TKT: variants seen among roughly 807,000 people sequenced by gnomAD.
TKT encodes the protein epididymis luminal protein 107.
Under a neutral mutation model 63.9 loss-of-function variants are expected in TKT, and 47 were observed. The observed-to-expected ratio is 0.74, with a 90% CI of 0.58 to 0.94. The LOEUF (loss-of-function observed/expected upper bound fraction) is 0.94, where lower values mean the gene tolerates loss of function less well. TKT is among the 40% of genes least tolerant of loss of function. The pLI is 0.00. For synonymous variants in TKT, 338 were observed against 334.1 expected, an observed-to-expected ratio of 1.01 and a Z score of -0.13; for missense variants, 721 against 846.2, an observed-to-expected ratio of 0.85 and a Z score of 1.84.
At chr3:53,252,695 C>A (rs1365302253) in intron 1 of TKT, among the ~76,000 whole-genome samples, 5 of 152,182 alleles carry the variant, frequency 3.3e-5, no homozygotes, top group African/African-American at 1.2e-4. Context: ...TGACATTCCA[C>A]TCTTTTGGAG....
intron 4 of TKT, among the ~76,000 whole-genome samples, chr3:53,236,919 T>TG (rs1553678764): frequency 6.6e-6 from 1 of 151,966 alleles, no homozygotes; most frequent in Non-Finnish European, 1.5e-5. Context: ...GAGTTAGGGG[T>TG]GGGGGGCTGC....
Position 53,242,330 on chromosome 3 carries a change from C to G in TKT, c.108-88G>C, listed in dbSNP as rs116603559. On this transcript the variant is annotated intron_variant, in intron 1 of 13. Coordinates refer to ENST00000462138, the MANE Select transcript of TKT (RefSeq NM_001064.4). The stretch of plus-strand genomic sequence containing the variant: ...TCAGCTGTACAGGGACCTGGGGGTG[C>G]ATGTCCTGAGGAGTCACACAGGCCT... 2.3e-6 allele frequency: 3 copies of G among 1,326,062 alleles called. No homozygotes were observed. The African/African-American group carries it at 4.3e-5, about 19-fold the overall frequency. The allele number at this position is 1,326,062 out of a possible 1,614,324, so 82.1% of individuals were successfully genotyped here.
intron 3 of TKT, 114 bp from the exon 4 acceptor site, chr3:53,240,462 G>T: frequency 1.1e-6 from 1 of 900,898 alleles, no homozygotes; most frequent in Non-Finnish European, 1.7e-6. Context: ...CAGAAGGTCA[G>T]GCCCCAGGAT....
At chr3:53,242,957 G>A (rs1347814688) in intron 1 of TKT, among the ~76,000 whole-genome samples, 1 of 152,176 alleles carries the variant, frequency 6.6e-6, no homozygotes, top group Non-Finnish European at 1.5e-5. Context: ...GGCTGCTGTA[G>A]CAACTAGGAA....
Position 53,231,561 on chromosome 3 carries a change from A to C in TKT, c.749-11T>G. 1.9e-6 allele frequency: 3 copies of C among 1,611,424 alleles called. No individual in the cohort carries two copies. The highest frequency in any genetic ancestry group is 1.1e-5 in the South Asian group (1 of 90,708). On this transcript the variant is annotated splice_polypyrimidine_tract_variant and intron_variant, in intron 6 of 13. Transcript: ENST00000462138. ...CCTTATCTTCTACCCCTGCAGACCC[A>C]ACACGGGAGGACAGAGGAATGGGTA...
chr3:53,242,741 G>A (rs1453194376), intron 1 of TKT, among the ~76,000 whole-genome samples: 1 of 152,152 alleles, frequency 6.6e-6, no homozygotes, highest in Non-Finnish European at 1.5e-5. Context: ...CTGCCCACTT[G>A]TGAAGGGCAC....
intron 8 of TKT, 117 bp downstream of exon 8, chr3:53,230,340 G>A: frequency 7.4e-7 from 1 of 1,345,192 alleles, no homozygotes; most frequent in Non-Finnish European, 1.0e-6. Flanking sequence ...TTTTCTTATA[G>A]TCTCCCTGGG....
At chr3:53,248,004 G>A (rs1705590498) in intron 1 of TKT, among the ~76,000 whole-genome samples, 1 of 152,180 alleles carries the variant, frequency 6.6e-6, no homozygotes, top group African/African-American at 2.4e-5. Context: ...CAAACTGAGT[G>A]CACAAATGAA....
rs782231613 is a variant in TKT, at chr3:53,228,163, A to G, written c.1480-14T>C. On this transcript the variant is annotated splice_polypyrimidine_tract_variant and intron_variant, in intron 11 of 13. Coordinates refer to ENST00000462138, the MANE Select transcript of TKT (RefSeq NM_001064.4). ...CTTCAGGACCACCTGGGGGTGACAC[A>G]GAGGGTGAGTAAGGCTCAGGGCCCT... The G allele has an allele frequency of 6.2e-7, 1 of 1,613,976 alleles. No homozygotes were observed. Among genetic ancestry groups the G allele is most frequent in the South Asian group, 1.1e-5 (1 of 91,080 alleles).
rs73840298 is a variant in TKT at position 53,241,896 on chromosome 3, T to G, written c.225+229A>C. 3.8e-3 allele frequency: 2,081 copies of G among 546,214 alleles called. 29 individuals carry two copies. The highest frequency in any genetic ancestry group is 0.037 in the African/African-American group (1,929 of 52,808). The allele number at this position is 546,214 out of a possible 1,614,324, so 33.8% of individuals were successfully genotyped here. A position where few individuals can be genotyped will look rare whatever the true frequency, so the allele number is the denominator to read the frequency against. On this transcript the variant is annotated intron_variant, in intron 2 of 13. Coordinates refer to ENST00000462138, the MANE Select transcript of TKT (RefSeq NM_001064.4). ...TTTCTTTGAGTTAAAGCGTTGTTTA[T>G]GTACCTGGGCTCCATGGCAGAGCAA...
At chr3:53,226,930 C>T in intron 12 of TKT, 52 bp from the exon 13 acceptor site, 2 of 1,557,680 alleles carry the variant, frequency 1.3e-6, no homozygotes, top group Non-Finnish European at 8.7e-7. Context: ...GCACCACTAT[C>T]TGCCCTGGTG....
chr3:53,232,682 T>C (rs2106676244), intron 6 of TKT: 1 of 398,190 alleles, frequency 2.5e-6, no homozygotes, highest in East Asian at 3.6e-5. Context: ...CCCAAGGCTC[T>C]TGGCCCACAC....
chr3:53,237,495 T>TACAC (rs3075727), intron 4 of TKT, among the ~76,000 whole-genome samples: 23,337 of 144,690 alleles, frequency 0.16, 2,058 homozygotes, highest in East Asian at 0.31. Context: ...TTTTATATTA[T>TACAC]ACACACACAC....
In TKT at chr3:53,231,516, G is replaced by A. The variant is rs376542375; in HGVS notation, c.783C>T (p.Pro261=). Residue 261 remains proline, a synonymous_variant, in exon 7 of 14, where the codon CCC becomes CCT. Coordinates refer to ENST00000462138, the MANE Select transcript of TKT (RefSeq NM_001064.4). The part of the protein sequence containing the change: ...VEDKESWHGK[P]LPKNMAEQII... ...TCTGCTCAGCCATGTTTTTGGGGAG[G>A]GGCTTCCCATGCCAAGACTCCTTAT... is the stretch of plus-strand genomic sequence containing the variant. 1.2e-6 allele frequency: 2 copies of A among 1,614,056 alleles called. No individual in the cohort carries two copies. The highest frequency in any genetic ancestry group is 1.7e-5 in the Admixed American group (1 of 60,006).
rs143676012 is a variant in TKT at position 53,231,401 on chromosome 3, T to G, written c.898A>C (p.Asn300His). 7 of 1,613,904 alleles carry G rather than the reference T, an allele frequency of 4.3e-6. No homozygotes were observed. In the African/African-American group the frequency reaches 9.3e-5, roughly 22 times the overall value. ...QEDAPSVDIA[N>H]IRMPSLPSYK... ...CTGGGCAGGCTGGGCATGCGGATGT[T>G]GGCAATGTCCACTGAGGGTGCGTCC... Residue 300 changes from asparagine (N) to histidine (H), a missense_variant, in exon 7 of 14, where the codon AAC becomes CAC. Physicochemically the swap from Asn to His is moderately conservative, Grantham distance 68 (BLOSUM62 1). Coordinates refer to ENST00000462138, the MANE Select transcript of TKT (RefSeq NM_001064.4).
intron 1 of TKT, among the ~76,000 whole-genome samples, chr3:53,244,262 G>A (rs1346797122): frequency 3.3e-5 from 5 of 152,182 alleles, no homozygotes; most frequent in Non-Finnish European, 7.4e-5. Flanking sequence ...AGGTGTCCCC[G>A]CACTCTTCCC....
intron 4 of TKT, among the ~76,000 whole-genome samples, chr3:53,236,575 T>C (rs1226702409): frequency 6.6e-6 from 1 of 152,156 alleles, no homozygotes; most frequent in African/African-American, 2.4e-5. Context: ...GCAGGGACTC[T>C]GGTCTGGCAC....
intron 1 of TKT, among the ~76,000 whole-genome samples, chr3:53,248,624 G>GC (rs1553681260): frequency 2.5e-5 from 3 of 121,774 alleles, no homozygotes; most frequent in Non-Finnish European, 3.7e-5. Flanking sequence ...TGGAGACCCT[G>GC]CCCCCCACCC....
chr3:53,229,409 G>A lies in TKT; in HGVS notation c.1135C>T (p.Arg379Cys), dbSNP rs746275922. The A allele has an allele frequency of 2.7e-5, 43 of 1,609,846 alleles. 1 individual carries two copies. Among genetic ancestry groups the A allele is most frequent in the Middle Eastern group, 1.7e-4 (1 of 6,024 alleles). ...CTGCAGAAGGGCACCGTCCTGTTGC[G>A]GGTGGCACAGCCCACCGCGATGCTC... ...MVSIAVGCAT[R>C]NRTVPFCSTF... is the part of the protein sequence containing the mutation. Residue 379 changes from arginine to cysteine, a missense_variant, in exon 9 of 14, where the codon CGC becomes TGC. Arg to Cys is a radical substitution (Grantham distance 180). Transcript: ENST00000462138.
Sources: allele counts gnomAD v4.1 joint callset (sites outside exome capture counted in the v4.1 genomes callset), GRCh38; gene constraint gnomAD v4.1.1; transcripts MANE v1.5; gene names NCBI Gene and HGNC (gene_info 2026-07-23, HGNC 2026-07-21).